ITGB6: variants seen among roughly 807,000 people sequenced by gnomAD.
ITGB6 encodes the protein integrin subunit beta 6, also known as integrin beta-6.
Under a neutral mutation model 84.5 loss-of-function variants are expected in ITGB6, and 80 were observed. The observed-to-expected ratio is 0.95, with a 90% CI of 0.79 to 1.14. The LOEUF is 1.14. ITGB6 is among the 50% of genes most tolerant of loss of function. ITGB6 has a pLI of 0.00. For missense variants in ITGB6, 1,006 were observed against 968.0 expected (o/e 1.04, Z -0.52); for synonymous variants, 383 against 354.9 (o/e 1.08, Z -0.89).
At position 160,137,651 on chromosome 2, in the gene ITGB6, G is replaced by T; in HGVS notation, c.1443C>A (p.Cys481Ter). The T allele has an allele frequency of 3.1e-6, 5 of 1,614,200 alleles. No individual in the cohort carries two copies. The highest frequency in any genetic ancestry group is 4.2e-6 in the Non-Finnish European group (5 of 1,180,034). ...AGCGAGGCCCCATGTGGCCAGGGTG[G>T]CAGGCACACACCCCACACTGGAAAG... ...NGSFQCGVCA[C>*]HPGHMGPRCE... Residue 481 changes from cysteine (C) to a stop codon, truncating the protein, a stop_gained, in exon 10 of 15, where the codon TGC becomes TGA. Transcript: ENST00000283249. LOFTEE classifies it high-confidence loss of function.
chr2:160,189,887 A>C (rs566006779), intron 4 of ITGB6, among the ~76,000 whole-genome samples: 17 of 152,310 alleles, frequency 1.1e-4, no homozygotes, highest in African/African-American at 3.8e-4. Flanking sequence ...TCATGCTGCT[A>C]TAAAGACACA....
chr2:160,126,459 C>T lies in ITGB6; in HGVS notation c.1803G>A (p.Lys601=). 1.2e-6 allele frequency: 2 copies of T among 1,614,204 alleles called. No homozygotes were observed. Among genetic ancestry groups the T allele is most frequent in the Non-Finnish European group, 1.7e-6 (2 of 1,180,026 alleles). ...CSGRGDCVCG[K]CVCTNPGASG... ...AGGCTCCAGGGTTTGTGCAAACACA[C>T]TTGCCACAAACACAGTCCCCGCGCC... The change falls in exon 11 of 15, where the codon AAG becomes AAA. Residue 601 remains lysine, a synonymous_variant. Transcript: ENST00000283249.
intron 13 of ITGB6, among the ~76,000 whole-genome samples, chr2:160,111,841 A>G (rs973867987): frequency 6.6e-6 from 1 of 152,036 alleles, no homozygotes; most frequent in Non-Finnish European, 1.5e-5. Flanking sequence ...CGGCCTCCCA[A>G]AGTGCTGGGA....
intron 10 of ITGB6, among the ~76,000 whole-genome samples, chr2:160,130,095 T>C (rs1683405530): frequency 2.6e-5 from 4 of 152,150 alleles, no homozygotes; most frequent in Admixed American, 2.6e-4. Context: ...CTAGGTTATA[T>C]GGTATAGCCT....
intron 4 of ITGB6, among the ~76,000 whole-genome samples, chr2:160,191,483 T>TA (rs869080703): frequency 2.6e-5 from 4 of 152,138 alleles, no homozygotes. Flanking sequence ...ATAATTTTTT[T>TA]AAAAAAACTT....
At chr2:160,189,084 C>G (rs1686031564) in intron 4 of ITGB6, among the ~76,000 whole-genome samples, 1 of 151,934 alleles carries the variant, frequency 6.6e-6, no homozygotes, top group Non-Finnish European at 1.5e-5. Context: ...ACAAACCTGA[C>G]AAAAATAAGA....
intron 10 of ITGB6, among the ~76,000 whole-genome samples, chr2:160,133,937 A>T (rs12476618): frequency 6.6e-6 from 1 of 151,858 alleles, no homozygotes; most frequent in African/African-American, 2.4e-5. Flanking sequence ...ACACTAAATG[A>T]CCACAAGAGA....
chr2:160,199,339 C>G, intron 1 of ITGB6, 81 bp from the exon 2 acceptor site: 1 of 1,034,844 alleles, frequency 9.7e-7, no homozygotes, highest in South Asian at 1.4e-5. Flanking sequence ...TCTTACATTA[C>G]TTGAACAAAA....
At chr2:160,183,184 A>G (rs984864181) in intron 4 of ITGB6, among the ~76,000 whole-genome samples, 1 of 152,250 alleles carries the variant, frequency 6.6e-6, no homozygotes, top group Admixed American at 6.5e-5. Context: ...CCCAATTAAA[A>G]TACACATAGT....
chr2:160,187,117 A>G (rs1228004484), intron 4 of ITGB6, among the ~76,000 whole-genome samples: 2 of 152,164 alleles, frequency 1.3e-5, no homozygotes, highest in Non-Finnish European at 2.9e-5. Context: ...AAGTATAATA[A>G]TAATAAAAAA....
intron 8 of ITGB6, 137 bp from the exon 9 acceptor site, chr2:160,138,336 C>T (rs1372291547): frequency 1.4e-6 from 1 of 728,448 alleles, no homozygotes; most frequent in Admixed American, 3.0e-5. Flanking sequence ...AGTATATCAT[C>T]AATCAAAAGC....
chr2:160,175,374 G>C (rs1685379004), intron 4 of ITGB6, among the ~76,000 whole-genome samples: 1 of 152,200 alleles, frequency 6.6e-6, no homozygotes, highest in Admixed American at 6.5e-5. Flanking sequence ...TCGTGGACAT[G>C]TGTAGACAGG....
intron 7 of ITGB6, among the ~76,000 whole-genome samples, chr2:160,158,358 A>C (rs567855754): frequency 1.5e-3 from 235 of 152,364 alleles, no homozygotes; most frequent in African/African-American, 5.6e-3. Flanking sequence ...GCAGTAACAG[A>C]GTGATAAGGG....
At chr2:160,185,941 C>T (rs1033775467) in intron 4 of ITGB6, among the ~76,000 whole-genome samples, 1 of 152,116 alleles carries the variant, frequency 6.6e-6, no homozygotes, top group African/African-American at 2.4e-5. Flanking sequence ...GAACTGGACC[C>T]CTTCCTTACA....
At chr2:160,187,030 G>A (rs766434873) in intron 4 of ITGB6, among the ~76,000 whole-genome samples, 2 of 152,098 alleles carry the variant, frequency 1.3e-5, no homozygotes, top group Non-Finnish European at 2.9e-5. Flanking sequence ...ACGGGTTGAT[G>A]GGTGCAGCAA....
At chr2:160,102,485 A>G (rs1013606271) in intron 14 of ITGB6, among the ~76,000 whole-genome samples, 62 of 152,222 alleles carry the variant, frequency 4.1e-4, no homozygotes, top group Admixed American at 5.2e-4. Flanking sequence ...ACTGTGTAAG[A>G]CAACCACAAG....
chr2:160,144,338 C>T (rs959878610), intron 7 of ITGB6, among the ~76,000 whole-genome samples: 3 of 152,164 alleles, frequency 2.0e-5, no homozygotes, highest in African/African-American at 7.2e-5. Flanking sequence ...TGATGGAGGA[C>T]CCCCTTTTGT....
At chr2:160,114,515 AG>A (rs1025370862) in intron 12 of ITGB6, among the ~76,000 whole-genome samples, 6 of 152,208 alleles carry the variant, frequency 3.9e-5, no homozygotes, top group African/African-American at 1.4e-4. Context: ...AATACAAAGC[AG>A]GGGGGTGGAG....
intron 8 of ITGB6, among the ~76,000 whole-genome samples, chr2:160,141,627 T>C (rs1056401301): frequency 6.6e-6 from 1 of 152,212 alleles, no homozygotes; most frequent in African/African-American, 2.4e-5. Flanking sequence ...CATAACTCTG[T>C]CACTCACTGG....
Sources: allele counts gnomAD v4.1 joint callset (sites outside exome capture counted in the v4.1 genomes callset), GRCh38; gene constraint gnomAD v4.1.1; transcripts MANE v1.5; gene names NCBI Gene and HGNC (gene_info 2026-07-23, HGNC 2026-07-21).